The following LYRM4 variants were observed in gnomAD, a reference collection of about 807,000 sequenced individuals.
The protein encoded by LYRM4 is LYR motif-containing protein 4.
Under a neutral mutation model 11.7 loss-of-function variants are expected in LYRM4, and 9 were observed. That is an observed-to-expected ratio of 0.77 (90% CI 0.46 to 1.34). LYRM4 has a LOEUF of 1.34. LYRM4 is among the 40% of genes most tolerant of loss of function. LYRM4 has a pLI of 0.00. For missense variants in LYRM4, 133 were observed against 112.5 expected (o/e 1.18, Z -0.82); for synonymous variants, 42 against 40.4 (o/e 1.04, Z -0.15).
chr6:5,051,434 C>T, the LYRM4 span, among the ~76,000 whole-genome samples: 1 of 152,148 alleles, frequency 6.6e-6, no homozygotes, highest in Non-Finnish European at 1.5e-5. Context: ...AGAAATGACT[C>T]ATCCCATACA....
intron 1 of LYRM4, 132 bp downstream of exon 1, chr6:5,260,516 C>G (rs1250798865): frequency 8.0e-7 from 1 of 1,244,502 alleles, no homozygotes; most frequent in African/African-American, 1.5e-5. Flanking sequence ...GATGGCGGAG[C>G]CCGGTCCTTG....
chr6:5,162,498 CGAGA>C (rs368959129), intron 2 of LYRM4, among the ~76,000 whole-genome samples: 6 of 148,480 alleles, frequency 4.0e-5, no homozygotes, highest in Non-Finnish European at 9.0e-5. Flanking sequence ...AGAGAGCGAG[CGAGA>C]GAGAGAGAGA....
At chr6:5,222,156 A>G (rs1762618801) in intron 1 of LYRM4, among the ~76,000 whole-genome samples, 1 of 152,220 alleles carries the variant, frequency 6.6e-6, no homozygotes, top group African/African-American at 2.4e-5. Flanking sequence ...CAGGAACTTT[A>G]ATCTTTCTGG....
the LYRM4 span, chr6:5,066,830 C>T: frequency 2.5e-6 from 2 of 790,980 alleles, no homozygotes; most frequent in African/African-American, 3.4e-5. Context: ...GATCCGGCCA[C>T]AGCTGCGGAG....
At chr6:5,087,783 C>T in the LYRM4 span, 1 of 152,444 alleles carries the variant, frequency 6.6e-6, no homozygotes, top group Non-Finnish European at 1.5e-5. Context: ...GCTGTGCTGG[C>T]TGTGGATGCC....
At chr6:5,083,024 C>A in the LYRM4 span, among the ~76,000 whole-genome samples, 10 of 152,346 alleles carry the variant, frequency 6.6e-5, 1 homozygote, top group East Asian at 1.9e-3. Flanking sequence ...GCCCCTCCCA[C>A]GCACTGAGAG....
At chr6:5,066,852 A>G in the LYRM4 span, 10 of 841,046 alleles carry the variant, frequency 1.2e-5, no homozygotes, top group African/African-American at 1.7e-4. Context: ...GGAGTCAGAC[A>G]GGCCACGGCG....
intron 2 of LYRM4, among the ~76,000 whole-genome samples, chr6:5,132,517 G>A (rs1326262765): frequency 6.6e-6 from 1 of 152,216 alleles, no homozygotes; most frequent in Non-Finnish European, 1.5e-5. Context: ...CTTTCAAAGA[G>A]AAGAGTACCC....
At chr6:5,257,312 ACAC>A (rs1764724976) in intron 1 of LYRM4, among the ~76,000 whole-genome samples, 1 of 152,016 alleles carries the variant, frequency 6.6e-6, no homozygotes, top group Non-Finnish European at 1.5e-5. Context: ...CTGCCTGACC[ACAC>A]CAAGCTGCTT....
At chr6:5,222,534 T>C (rs572650806) in intron 1 of LYRM4, among the ~76,000 whole-genome samples, 1 of 152,232 alleles carries the variant, frequency 6.6e-6, no homozygotes, top group East Asian at 1.9e-4. Flanking sequence ...CATTCCAAGT[T>C]AACACAAAGG....
chr6:5,123,328 G>A (rs549387879), intron 2 of LYRM4, among the ~76,000 whole-genome samples: 153 of 152,344 alleles, frequency 1.0e-3, no homozygotes, highest in African/African-American at 3.5e-3. Context: ...AGAGAACAGA[G>A]GGTGGGACAT....
chr6:5,037,842 G>A, the LYRM4 span, among the ~76,000 whole-genome samples: 7 of 55,532 alleles, frequency 1.3e-4, no homozygotes, highest in South Asian at 7.3e-4. Context: ...CTCCCGGACG[G>A]GGCGGCTGGC....
intron 2 of LYRM4, among the ~76,000 whole-genome samples, chr6:5,198,759 C>T (rs2127701685): frequency 6.6e-6 from 1 of 152,326 alleles, no homozygotes; most frequent in East Asian, 1.9e-4. Flanking sequence ...TCCATCCCCG[C>T]CTCCCTGCTG....
chr6:5,057,482 C>T, the LYRM4 span, among the ~76,000 whole-genome samples: 1 of 152,062 alleles, frequency 6.6e-6, no homozygotes, highest in South Asian at 2.1e-4. Flanking sequence ...TTTAGAAGGC[C>T]AAGGCAGGCA....
Position 5,199,108 on chromosome 6 carries a change from A to G in LYRM4, c.207+17510T>C, listed in dbSNP as rs116677843. Among the ~76,000 whole-genome samples, 669 of 152,356 alleles carry G rather than the reference A, an allele frequency of 4.4e-3. 3 individuals are homozygous for G. Among genetic ancestry groups the G allele is most frequent in the African/African-American group, 0.015 (642 of 41,588 alleles). Reference sequence around the variant, plus strand: ...TGGCCACACAAAAACTGGCATATGAATGTTCATAGCAACATCATTCACAAG... The same window carrying G: ...TGGCCACACAAAAACTGGCATATGAGTGTTCATAGCAACATCATTCACAAG... On this transcript the variant is annotated intron_variant, in intron 2 of 2. Transcript: ENST00000330636.
chr6:5,145,917 T>C (rs1177461757), intron 2 of LYRM4, among the ~76,000 whole-genome samples: 1 of 152,224 alleles, frequency 6.6e-6, no homozygotes, highest in Non-Finnish European at 1.5e-5. Context: ...CTTGGCTCTC[T>C]CTTCCCTCAG....
At chr6:5,071,323 T>C in the LYRM4 span, among the ~76,000 whole-genome samples, 1 of 152,208 alleles carries the variant, frequency 6.6e-6, no homozygotes, top group African/African-American at 2.4e-5. Context: ...AAAAGTCATA[T>C]ACAATGATAT....
intron 1 of LYRM4, among the ~76,000 whole-genome samples, chr6:5,248,554 G>A (rs1016073046): frequency 6.6e-6 from 1 of 152,236 alleles, no homozygotes; most frequent in African/African-American, 2.4e-5. Flanking sequence ...GCAACACAGA[G>A]TGCTAGTAGT....
chr6:5,162,206 T>C (rs1758800358), intron 2 of LYRM4, among the ~76,000 whole-genome samples: 1 of 152,232 alleles, frequency 6.6e-6, no homozygotes, highest in African/African-American at 2.4e-5. Flanking sequence ...CCTCAGGCAC[T>C]GCTAGTTTCT....
Sources: allele counts gnomAD v4.1 joint callset (sites outside exome capture counted in the v4.1 genomes callset), GRCh38; gene constraint gnomAD v4.1.1; transcripts MANE v1.5; gene names NCBI Gene and HGNC (gene_info 2026-07-23, HGNC 2026-07-21).